HEPHL1: variants seen among roughly 807,000 people sequenced by gnomAD.
The protein encoded by HEPHL1 is ferroxidase HEPHL1.
A neutral mutation model predicts 122.0 loss-of-function variants in HEPHL1; 123 were observed. The observed-to-expected ratio is 1.01, with a 90% CI of 0.87 to 1.17. The LOEUF is 1.17. HEPHL1 is among the 50% of genes most tolerant of loss of function. The probability of loss-of-function intolerance (pLI) is 0.00; values close to 1 mark genes in which losing one functional copy is unlikely to be tolerated. For synonymous variants in HEPHL1, 527 were observed against 508.9 expected (o/e 1.04, Z -0.48); for missense variants, 1,452 against 1,430.5 (o/e 1.01, Z -0.24).
At position 94,114,000 on chromosome 11, in the gene HEPHL1, A is replaced by C. The variant is rs1233853015; in HGVS notation, c.*2106A>C. Among the ~76,000 whole-genome samples the C allele has an allele frequency of 6.6e-6, 1 of 152,094 alleles. No homozygotes were observed. The highest frequency in any genetic ancestry group is 1.5e-5 in the Non-Finnish European group (1 of 68,010). ...ATCAACTCTGCCTTCACTTACACAC[A>C]TATTTCTTCCTATTACAATACACGT... On this transcript the variant is annotated 3_prime_UTR_variant, in exon 20 of 20. Coordinates refer to ENST00000315765, the MANE Select transcript of HEPHL1 (RefSeq NM_001098672.2).
Position 94,064,495 on chromosome 11 carries a change from A to G in HEPHL1, c.793A>G (p.Ser265Gly). The change falls in exon 4 of 20, where the codon AGT becomes GGT. Residue 265 changes from serine (S) to glycine (G), a missense_variant. Transcript: ENST00000315765. ...VDKKDAVFQR[S>G]NKMHALNGYL... ...CAAGAAAGATGCTGTTTTCCAGAGG[A>G]GTAACAAAATGCATGGTGAGTACCT... 1 of 1,612,454 alleles carries G rather than the reference A, an allele frequency of 6.2e-7. No individual in the cohort carries two copies. Among genetic ancestry groups the G allele is most frequent in the Non-Finnish European group, 8.5e-7 (1 of 1,178,826 alleles).
chr11:94,111,344 G>A (rs1946447076), intron 18 of HEPHL1, among the ~76,000 whole-genome samples, 193 bp from the exon 19 acceptor site: 1 of 152,088 alleles, frequency 6.6e-6, no homozygotes, highest in Admixed American at 6.5e-5. Flanking sequence ...AGACTCAGTG[G>A]GTGAGCAGAA....
chr11:94,083,675 C>G (rs192198626), intron 10 of HEPHL1, among the ~76,000 whole-genome samples: 2 of 152,198 alleles, frequency 1.3e-5, no homozygotes, highest in Middle Eastern at 3.2e-3. Flanking sequence ...GTTACAAGTG[C>G]CCCATGGCAA....
At position 94,111,563 on chromosome 11, in the gene HEPHL1, T is replaced by A. The variant is rs758335474; in HGVS notation, c.3235T>A (p.Ser1079Thr). 1.9e-6 allele frequency: 3 copies of A among 1,605,092 alleles called. No homozygotes were observed. The highest frequency in any genetic ancestry group is 1.7e-5 in the Admixed American group (1 of 58,696). Residue 1079 changes from serine (S) to threonine (T), a missense_variant, in exon 19 of 20, where the codon TCT becomes ACT. Ser to Thr is a moderately conservative substitution (Grantham distance 58). Coordinates refer to ENST00000315765, the MANE Select transcript of HEPHL1 (RefSeq NM_001098672.2). ...CAACAGGATTCCTTACTCCACCACA[T>A]CTCCTGGAGTGGCATCTCACCCAGC... ...IDNRIPYSTTSPGVASHPATV... is the reference protein window; with the variant it reads ...IDNRIPYSTTTPGVASHPATV...
At chr11:94,067,994 C>T (rs1434682720) in intron 5 of HEPHL1, among the ~76,000 whole-genome samples, 1 of 152,082 alleles carries the variant, frequency 6.6e-6, no homozygotes, top group Non-Finnish European at 1.5e-5. Context: ...CTTCGAGGAA[C>T]CTGTAGTATA....
chr11:94,111,400 G>A lies in HEPHL1; in HGVS notation c.3209-137G>A, dbSNP rs1250879829. ...AGGAAAGCATGTACATGGGAATGAA[G>A]TAGCACAGTAAGAATCCAGAAATGA... On this transcript the variant is annotated intron_variant, in intron 18 of 19. Transcript: ENST00000315765. 3.0e-5 allele frequency: 22 copies of A among 745,672 alleles called. No individual in the cohort carries two copies. In the East Asian group the frequency reaches 4.6e-4, roughly 15 times the overall value. 46.2% of individuals were successfully genotyped at this position (745,672 alleles called of 1,614,324 possible).
At position 94,093,527 on chromosome 11, in the gene HEPHL1, C is replaced by T. The variant is rs763971719; in HGVS notation, c.2321C>T (p.Thr774Ile). 1.6e-5 allele frequency: 26 copies of T among 1,613,364 alleles called. 1 individual carries two copies. The East Asian group carries it at 5.6e-4, about 35-fold the overall frequency. Residue 774 changes from threonine (T) to isoleucine (I), a missense_variant, in exon 13 of 20, where the codon ACT becomes ATT. By Grantham distance (89) the Thr-to-Ile change is moderately conservative. Coordinates refer to ENST00000315765, the MANE Select transcript of HEPHL1 (RefSeq NM_001098672.2). ...ERHGDIFMNR[T>I]ENWIGSQYKK... ...CATGGAGATATATTTATGAACCGCA[C>T]TGAAAATTGGATTGGCTCTCAGTAC...
chr11:94,089,739 C>T lies in HEPHL1; in HGVS notation c.2294+771C>T, dbSNP rs545058974. Among the ~76,000 whole-genome samples the T allele has an allele frequency of 2.0e-5, 3 of 152,314 alleles. No homozygotes were observed. The South Asian group carries it at 6.2e-4, about 32-fold the overall frequency. On this transcript the variant is annotated intron_variant, in intron 12 of 19. Coordinates refer to ENST00000315765, the MANE Select transcript of HEPHL1 (RefSeq NM_001098672.2). ...CCCCTCCCTCCACAGCAACCCACTG[C>T]CTGGTATTACTGTTCTGATATGCAG...
intron 1 of HEPHL1, among the ~76,000 whole-genome samples, chr11:94,044,815 T>G (rs1008404840): frequency 6.7e-6 from 1 of 149,724 alleles, no homozygotes; most frequent in African/African-American, 2.5e-5. Flanking sequence ...CAGGCTAGAG[T>G]GCAGTGGTGC....
chr11:94,071,781 T>C (rs916947499), intron 6 of HEPHL1, among the ~76,000 whole-genome samples: 11 of 152,094 alleles, frequency 7.2e-5, no homozygotes, highest in Non-Finnish European at 1.0e-4. Context: ...GAACACATTA[T>C]AGAGGAAGTG....
Position 94,073,424 on chromosome 11 carries a change from G to A in HEPHL1, c.1489G>A (p.Ala497Thr). The change falls in exon 8 of 20, where the codon GCC (alanine) becomes ACC (threonine). Residue 497 changes from alanine (A) to threonine (T), a missense_variant. Coordinates refer to ENST00000315765, the MANE Select transcript of HEPHL1 (RefSeq NM_001098672.2). ...GVIYDKASDAAPNLDGFVKPG... is the reference protein window; with the variant it reads ...GVIYDKASDATPNLDGFVKPG... ...GATCTATGACAAGGCATCTGATGCAGCCCCAAACCTAGATGGTAAGTCTCA... is the reference window on the plus strand; with the variant it reads ...GATCTATGACAAGGCATCTGATGCAACCCCAAACCTAGATGGTAAGTCTCA... 1.3e-6 allele frequency: 2 copies of A among 1,554,566 alleles called. No individual in the cohort carries two copies. The highest frequency in any genetic ancestry group is 1.7e-6 in the Non-Finnish European group (2 of 1,148,030).
intron 15 of HEPHL1, 73 bp downstream of exon 15, chr11:94,103,093 T>A: frequency 1.2e-6 from 1 of 860,162 alleles, no homozygotes. Flanking sequence ...CATCACAATT[T>A]GGGTTGGTAT....
chr11:94,044,900 C>G (rs1021826223), intron 1 of HEPHL1, among the ~76,000 whole-genome samples: 3 of 151,780 alleles, frequency 2.0e-5, no homozygotes, highest in Non-Finnish European at 2.9e-5. Context: ...AGTGGGATTA[C>G]AGGCATGAGC....
At chr11:94,076,070 A>G (rs1946120091) in intron 9 of HEPHL1, among the ~76,000 whole-genome samples, 1 of 152,186 alleles carries the variant, frequency 6.6e-6, no homozygotes, top group African/African-American at 2.4e-5. Context: ...TTTAAATGGT[A>G]TATTTTATAA....
intron 13 of HEPHL1, among the ~76,000 whole-genome samples, chr11:94,096,134 C>T (rs1258115568): frequency 6.6e-6 from 1 of 152,188 alleles, no homozygotes; most frequent in Non-Finnish European, 1.5e-5. Flanking sequence ...TTTGCCCATT[C>T]AGTATGATAT....
At chr11:94,101,815 C>G (rs1305312750) in intron 14 of HEPHL1, among the ~76,000 whole-genome samples, 1 of 152,180 alleles carries the variant, frequency 6.6e-6, no homozygotes, top group Non-Finnish European at 1.5e-5. Context: ...GTCTCCATAG[C>G]TGTTCTTACA....
intron 1 of HEPHL1, among the ~76,000 whole-genome samples, chr11:94,042,876 A>AAAAAAAAAAAAAC: frequency 5.5e-5 from 4 of 73,116 alleles, no homozygotes; most frequent in Non-Finnish European, 8.6e-5. Flanking sequence ...AAAGTATAAT[A>AAAAAAAAAAAAAC]AAAAAAAAAA....
intron 10 of HEPHL1, 70 bp downstream of exon 10, chr11:94,082,638 G>A: frequency 7.1e-7 from 1 of 1,416,168 alleles, no homozygotes; most frequent in South Asian, 1.4e-5. Context: ...TGATTGGTGT[G>A]TTTGAATTAT....
chr11:94,108,491 A>C (rs1946425159), intron 17 of HEPHL1, among the ~76,000 whole-genome samples: 1 of 152,034 alleles, frequency 6.6e-6, no homozygotes, highest in African/African-American at 2.4e-5. Flanking sequence ...GCCTTACTGA[A>C]GGTCCCAAAA....
Sources: gnomAD v4.1 joint callset for allele counts (sites outside exome capture counted in the v4.1 genomes callset) on GRCh38, gnomAD v4.1.1 for gene constraint, MANE v1.5 for transcripts, NCBI Gene and HGNC (gene_info 2026-07-23, HGNC 2026-07-21) for gene names.